Variants in NCOA2 observed in about 807,000 individuals in gnomAD.
NCOA2 encodes nuclear receptor coactivator 2, also known as class E basic helix-loop-helix protein 75.
A neutral mutation model predicts 145.1 loss-of-function variants in NCOA2; 21 were observed. The observed-to-expected ratio is 0.14, with a 90% CI of 0.10 to 0.21. NCOA2 has a LOEUF of 0.21. Among genes scored for constraint, NCOA2 ranks in the 10% least tolerant of loss-of-function variants. NCOA2 has a pLI of 1.00. For synonymous variants in NCOA2, 619 were observed against 637.5 expected (o/e 0.97, Z 0.44); for missense variants, 1,472 against 1,837.6 (o/e 0.80, Z 3.64).
intron 1 of NCOA2, among the ~76,000 whole-genome samples, chr8:70,368,958 AT>A (rs1810970891): frequency 6.6e-6 from 1 of 152,230 alleles, no homozygotes; most frequent in Non-Finnish European, 1.5e-5. Flanking sequence ...CTACTAAAAT[AT>A]TAAGAGTTAT....
At chr8:70,257,239 C>T (rs1402362193) in intron 2 of NCOA2, among the ~76,000 whole-genome samples, 1 of 152,164 alleles carries the variant, frequency 6.6e-6, no homozygotes, top group East Asian at 1.9e-4. Context: ...AGTTACAATA[C>T]ATAGGGTTAC....
the NCOA2 span, among the ~76,000 whole-genome samples, chr8:70,432,887 C>G: frequency 6.6e-6 from 1 of 152,130 alleles, no homozygotes; most frequent in East Asian, 1.9e-4. Context: ...CAAAAAACAG[C>G]TGATTTTAAT....
At chr8:70,453,151 A>G in the NCOA2 span, among the ~76,000 whole-genome samples, 1 of 152,186 alleles carries the variant, frequency 6.6e-6, no homozygotes, top group Non-Finnish European at 1.5e-5. Flanking sequence ...AATTCAGGAG[A>G]GGGCTTGGAG....
chr8:70,285,302 A>C (rs538056741), intron 2 of NCOA2, among the ~76,000 whole-genome samples: 2 of 152,352 alleles, frequency 1.3e-5, no homozygotes, highest in African/African-American at 4.8e-5. Context: ...TTAGCAAATA[A>C]ATTTACTATG....
chr8:70,417,810 G>C, the NCOA2 span, among the ~76,000 whole-genome samples: 1 of 152,124 alleles, frequency 6.6e-6, no homozygotes, highest in Non-Finnish European at 1.5e-5. Context: ...CTGCATTTCA[G>C]CCTTTTTCGT....
At chr8:70,408,918 TGC>T in the NCOA2 span, among the ~76,000 whole-genome samples, 2 of 151,840 alleles carry the variant, frequency 1.3e-5, no homozygotes, top group African/African-American at 4.8e-5. Context: ...TAAGCCATCA[TGC>T]CAGACCAAAA....
In NCOA2 at chr8:70,155,961, T is replaced by C; in HGVS notation, c.2394+10A>G. The C allele has an allele frequency of 6.5e-7, 1 of 1,549,974 alleles. No homozygotes were observed. The highest frequency in any genetic ancestry group is 8.7e-7 in the Non-Finnish European group (1 of 1,152,408). ...TTAGTACACCTGCGAGAAGATGTGATAAAACTTACCTGGTCACCAGGCTCA... is the reference window on the plus strand; with the variant it reads ...TTAGTACACCTGCGAGAAGATGTGACAAAACTTACCTGGTCACCAGGCTCA... On this transcript the variant is annotated intron_variant, in intron 11 of 22. Coordinates refer to ENST00000452400, the MANE Select transcript of NCOA2 (RefSeq NM_006540.4).
chr8:70,199,114 A>G (rs897827231), intron 4 of NCOA2, among the ~76,000 whole-genome samples: 4 of 152,072 alleles, frequency 2.6e-5, no homozygotes. Context: ...TTAGATGAGG[A>G]AAAAAAGCCA....
Position 70,157,284 on chromosome 8 carries a change from T to A in NCOA2, c.1125-44A>T, listed in dbSNP as rs753773218. On this transcript the variant is annotated intron_variant, in intron 10 of 22. Coordinates refer to ENST00000452400, the MANE Select transcript of NCOA2 (RefSeq NM_006540.4). ...AAAAAATGTAAGATAAAAGGAAAAA[T>A]ACTTAGCAAGTTGTTATTAATTTTT... is the stretch of plus-strand genomic sequence containing the variant. The A allele has an allele frequency of 2.0e-5, 29 of 1,484,750 alleles. No individual in the cohort carries two copies. The Admixed American group carries it at 4.5e-4, about 23-fold the overall frequency. 92.0% of individuals were successfully genotyped at this position (1,484,750 alleles called of 1,614,324 possible).
chr8:70,245,881 G>A (rs17676564), intron 2 of NCOA2, among the ~76,000 whole-genome samples: 5,607 of 152,088 alleles, frequency 0.037, 169 homozygotes, highest in Non-Finnish European at 0.053. Flanking sequence ...TGAACACTTT[G>A]GAGACATTAT....
chr8:70,238,879 A>G (rs908819965), intron 2 of NCOA2, among the ~76,000 whole-genome samples: 3 of 152,196 alleles, frequency 2.0e-5, no homozygotes, highest in African/African-American at 4.8e-5. Flanking sequence ...GACATTCAGG[A>G]CAGATTCAGG....
At chr8:70,203,029 C>G (rs1420881692) in intron 4 of NCOA2, among the ~76,000 whole-genome samples, 1 of 152,096 alleles carries the variant, frequency 6.6e-6, no homozygotes, top group Admixed American at 6.5e-5. Context: ...CTTTGGGAGG[C>G]TGAGGCAGGT....
chr8:70,216,678 G>A lies in NCOA2; in HGVS notation c.68C>T (p.Pro23Leu). 6.2e-7 allele frequency: 1 copy of A among 1,613,536 alleles called. No homozygotes were observed. Among genetic ancestry groups the A allele is most frequent in the Admixed American group, 1.7e-5 (1 of 60,016 alleles). Residue 23 changes from proline to leucine, a missense_variant, in exon 3 of 23, where the codon CCT becomes CTT. Coordinates refer to ENST00000452400, the MANE Select transcript of NCOA2 (RefSeq NM_006540.4). ...RAETRKRKEC[P>L]DQLGPSPKRN... ...ATCTAACCTGGGTCCAAGTTGGTCA[G>A]GACATTCCTTGCGCTTTCTTGTCTC...
chr8:70,219,493 G>C (rs1463027606), intron 2 of NCOA2, among the ~76,000 whole-genome samples: 1 of 152,166 alleles, frequency 6.6e-6, no homozygotes, highest in Non-Finnish European at 1.5e-5. Flanking sequence ...AGGGGAAAGT[G>C]GGGTGGAGTC....
intron 1 of NCOA2, among the ~76,000 whole-genome samples, chr8:70,380,813 G>A (rs948856633): frequency 2.4e-4 from 36 of 152,202 alleles, no homozygotes; most frequent in South Asian, 6.2e-4. Flanking sequence ...CGTGGCTCCC[G>A]TCTGTAATCC....
At chr8:70,181,960 C>T (rs925554273) in intron 4 of NCOA2, among the ~76,000 whole-genome samples, 1 of 152,194 alleles carries the variant, frequency 6.6e-6, no homozygotes, top group Non-Finnish European at 1.5e-5. Context: ...TATGTAGCAT[C>T]TCCAAGGTTC....
chr8:70,167,715 T>A (rs1813779895), intron 6 of NCOA2, among the ~76,000 whole-genome samples: 1 of 152,150 alleles, frequency 6.6e-6, no homozygotes, highest in Non-Finnish European at 1.5e-5. Flanking sequence ...TATTTGAGTA[T>A]TAAAACTAAA....
chr8:70,159,243 T>TG lies in NCOA2; in HGVS notation c.1124+261_1124+262insC, dbSNP rs869045939. On this transcript the variant is annotated intron_variant, in intron 10 of 22. Coordinates refer to ENST00000452400, the MANE Select transcript of NCOA2 (RefSeq NM_006540.4). ...AACATTATATATATATATATATATA[T>TG]TTTTTTTTTTTTCCCCCAAATATTT... Among the ~76,000 whole-genome samples, 114 of 82,066 alleles carry TG rather than the reference T, an allele frequency of 1.4e-3. 9 individuals are homozygous for TG. Among genetic ancestry groups the TG allele is most frequent in the South Asian group, 4.3e-3 (13 of 3,044 alleles). The allele number at this position is 82,066 out of a possible 152,430, so 53.8% of individuals were successfully genotyped here.
At chr8:70,198,147 A>C (rs566365569) in intron 4 of NCOA2, among the ~76,000 whole-genome samples, 3 of 152,296 alleles carry the variant, frequency 2.0e-5, no homozygotes, top group African/African-American at 7.2e-5. Flanking sequence ...CTTATGTACA[A>C]GACAGGTAAA....
Sources: gnomAD v4.1 joint callset for allele counts (sites outside exome capture counted in the v4.1 genomes callset) on GRCh38, gnomAD v4.1.1 for gene constraint, MANE v1.5 for transcripts, NCBI Gene and HGNC (gene_info 2026-07-23, HGNC 2026-07-21) for gene names.